The following FPGS variants were observed in gnomAD, a reference collection of about 807,000 sequenced individuals.
FPGS encodes the protein folylpolyglutamate synthase, also known as folylpolyglutamate synthase, mitochondrial.
Under a neutral mutation model 66.5 loss-of-function variants are expected in FPGS, and 53 were observed. That is an observed-to-expected ratio of 0.80 (90% confidence interval 0.64 to 1.00). FPGS has a LOEUF of 1.00. FPGS is among the 50% of genes least tolerant of loss of function. The pLI is 0.00. For missense variants in FPGS, 702 were observed against 807.7 expected, an observed-to-expected ratio of 0.87 and a Z score of 1.59; for synonymous variants, 348 against 350.9, an observed-to-expected ratio of 0.99 and a Z score of 0.09.
At chr9:127,809,291 C>T (rs977567126) in intron 11 of FPGS, among the ~76,000 whole-genome samples, 35 of 152,256 alleles carry the variant, frequency 2.3e-4, no homozygotes, top group African/African-American at 8.4e-4. Context: ...CTTGCCTCCC[C>T]CAAAGCTTTC....
chr9:127,809,566 T>A, intron 11 of FPGS, 118 bp from the exon 12 acceptor site: 1 of 982,296 alleles, frequency 1.0e-6, no homozygotes. Context: ...GCTGCCGGGG[T>A]CCTGAGTGTT....
Position 127,804,549 on chromosome 9 carries a change from G to A in FPGS, c.318G>A (p.Gly106=), listed in dbSNP as rs1227036913. 1.2e-6 allele frequency: 2 copies of A among 1,614,204 alleles called. No individual in the cohort carries two copies. The highest frequency in any genetic ancestry group is 1.3e-5 in the African/African-American group (1 of 75,066). ...LNIIHVTGTK[G]KGSTCAFTEC... is the part of the protein sequence containing the mutation. ...TCATCCACGTCACTGGGACGAAGGGGAAGGTGAGGGGCAGGACCCTGGGGT... is the reference window on the plus strand; with the variant it reads ...TCATCCACGTCACTGGGACGAAGGGAAAGGTGAGGGGCAGGACCCTGGGGT... The change falls in exon 3 of 15, where the codon GGG becomes GGA. Residue 106 remains glycine, a synonymous_variant. Coordinates refer to ENST00000373247, the MANE Select transcript of FPGS (RefSeq NM_004957.6).
chr9:127,807,256 C>A lies in FPGS; in HGVS notation c.549C>A (p.Leu183=), dbSNP rs747385141. The change falls in exon 6 of 15, where the codon CTC becomes CTA. Residue 183 remains leucine, a synonymous_variant. Coordinates refer to ENST00000373247, the MANE Select transcript of FPGS (RefSeq NM_004957.6). This position sits in a 1 kb window ranked among gnomAD's most constrained non-coding sequence, Gnocchi z 5.8. ...SMPPYFRFLT[L]MAFHVFLQEK... Reference sequence around the variant, plus strand: ...CCCCCTACTTCCGCTTCCTGACACTCATGGCCTTCCACGTCTTCCTCCAAG... The same window carrying A: ...CCCCCTACTTCCGCTTCCTGACACTAATGGCCTTCCACGTCTTCCTCCAAG... 3.7e-6 allele frequency: 6 copies of A among 1,614,206 alleles called. No individual in the cohort carries two copies. In the East Asian group the frequency reaches 1.1e-4, roughly 30 times the overall value.
chr9:127,808,536 C>A, intron 9 of FPGS, 22 bp from the exon 10 acceptor site: 3 of 1,611,548 alleles, frequency 1.9e-6, no homozygotes, highest in Non-Finnish European at 2.5e-6. Flanking sequence ...TCTGCTGACC[C>A]GCTCCTGCCT....
chr9:127,814,082 C>G (rs546012406), downstream of FPGS: 18 of 987,366 alleles, frequency 1.8e-5, no homozygotes, highest in Non-Finnish European at 2.0e-5. Context: ...CTTCGACTGA[C>G]CCTTGACCCC....
intron 8 of FPGS, 27 bp from the exon 9 acceptor site, chr9:127,808,207 C>G (rs1021153306): frequency 6.3e-7 from 1 of 1,593,904 alleles, no homozygotes; most frequent in Non-Finnish European, 8.6e-7. Context: ...CTAGGTAGCC[C>G]TTTCTCTCTC....
Position 127,808,699 on chromosome 9 carries a change from C to T in FPGS, c.964C>T (p.Arg322Cys), listed in dbSNP as rs749584122. The change falls in exon 10 of 15, where the codon CGC (arginine) becomes TGC (cysteine). Residue 322 changes from arginine (R) to cysteine (C), a missense_variant. Arg to Cys is a radical substitution (Grantham distance 180). This residue lies in a region of FPGS where 351 missense variants were observed against 363.7 expected (regional missense o/e 0.97). Transcript: ENST00000373247. ...CCACTGCTGGCTGCAGCGGCAGGAC[C>T]GCCATGGTGAGTGGGCAGCTGAGTG... ...LAHCWLQRQD[R>C]HGAGEPKASR... The T allele has an allele frequency of 6.9e-6, 11 of 1,584,764 alleles. No homozygotes were observed. The highest frequency in any genetic ancestry group is 4.6e-5 in the South Asian group (4 of 87,544).
chr9:127,812,447 C>A (rs1192136299), intron 14 of FPGS, among the ~76,000 whole-genome samples: 2 of 151,930 alleles, frequency 1.3e-5, no homozygotes, highest in African/African-American at 4.8e-5. Flanking sequence ...TCTCCTGCCT[C>A]AGCCTCGTGA....
chr9:127,809,632 G>T, intron 11 of FPGS, 52 bp from the exon 12 acceptor site: 1 of 1,519,000 alleles, frequency 6.6e-7, no homozygotes. Flanking sequence ...GTGCGGAATT[G>T]AGGACGGGGG....
chr9:127,813,793 C>T lies in FPGS; in HGVS notation c.*189C>T. 1 of 1,284,820 alleles carries T rather than the reference C, an allele frequency of 7.8e-7. No individual in the cohort carries two copies. Among genetic ancestry groups the T allele is most frequent in the African/African-American group, 1.5e-5 (1 of 65,106 alleles). 79.6% of individuals were successfully genotyped at this position (1,284,820 alleles called of 1,614,324 possible). On this transcript the variant is annotated 3_prime_UTR_variant, in exon 15 of 15. Transcript: ENST00000373247. ...GGCTCTGTGCCTTGGTCTCTCCTTC[C>T]TCTTGGCTGAGATAGCAGAGGGGCT...
intron 11 of FPGS, 57 bp from the exon 12 acceptor site, chr9:127,809,627 G>T: frequency 6.6e-7 from 1 of 1,505,872 alleles, no homozygotes; most frequent in Non-Finnish European, 8.8e-7. Context: ...TGTGTGTGCG[G>T]AATTGAGGAC....
At position 127,808,318 on chromosome 9, in the gene FPGS, C is replaced by T. The variant is rs2131850778; in HGVS notation, c.822+7C>T. 1 of 1,612,606 alleles carries T rather than the reference C, an allele frequency of 6.2e-7. No homozygotes were observed. The highest frequency in any genetic ancestry group is 2.2e-5 in the East Asian group (1 of 44,876). ...CCGAGCCCAGCAGATCTCAGTAAGT[C>T]TGATTGGAATGGGGCAGCGGCAGGG... On this transcript the variant is annotated splice_region_variant and intron_variant, in intron 9 of 14. Transcript: ENST00000373247.
intron 14 of FPGS, 84 bp downstream of exon 14, chr9:127,811,095 G>T (rs1435473221): frequency 5.5e-6 from 4 of 723,396 alleles, no homozygotes; most frequent in Non-Finnish European, 7.0e-6. Context: ...GAGGTTTGGG[G>T]TAGGAAATAA....
At chr9:127,810,141 T>TG in intron 13 of FPGS, 35 bp downstream of exon 13, 1 of 1,582,562 alleles carries the variant, frequency 6.3e-7, no homozygotes. Context: ...CGGCAGGCAG[T>TG]CCTGAAGCCC....
chr9:127,803,410 G>A, intron 1 of FPGS: 1 of 1,056,510 alleles, frequency 9.5e-7, no homozygotes, highest in Non-Finnish European at 1.1e-6. Flanking sequence ...AGAGGGTAGG[G>A]AAGAGACTCA....
At chr9:127,809,979 C>T (rs909879858) in intron 12 of FPGS, 52 bp from the exon 13 acceptor site, 6 of 1,546,524 alleles carry the variant, frequency 3.9e-6, no homozygotes, top group Non-Finnish European at 3.5e-6. Context: ...GGATTGGTAC[C>T]GCAGGGAGAA....
In FPGS at chr9:127,813,567, G is replaced by A; in HGVS notation, c.1727G>A (p.Gly576Asp). Residue 576 changes from glycine to aspartate, a missense_variant, in exon 15 of 15, where the codon GGT becomes GAT. By Grantham distance (94) the Gly-to-Asp change is moderately conservative. Transcript: ENST00000373247. ...LVTGSLHLVG[G>D]VLKLLEPALS... The stretch of plus-strand genomic sequence containing the variant: ...ACTGGCAGCCTGCACCTGGTGGGTG[G>A]TGTCCTGAAGCTGCTGGAGCCCGCA... 2 of 1,579,904 alleles carry A rather than the reference G, an allele frequency of 1.3e-6. No individual in the cohort carries two copies. Among genetic ancestry groups the A allele is most frequent in the Non-Finnish European group, 1.7e-6 (2 of 1,161,388 alleles).
chr9:127,813,644 C>T lies in FPGS; in HGVS notation c.*40C>T. On this transcript the variant is annotated 3_prime_UTR_variant, in exon 15 of 15. Coordinates refer to ENST00000373247, the MANE Select transcript of FPGS (RefSeq NM_004957.6). The stretch of plus-strand genomic sequence containing the variant: ...TGGAGGTGGGAGCTTCCCACACCTG[C>T]CTGCGTTCTCCCCATGAACTTACAT... The T allele has an allele frequency of 6.7e-7, 1 of 1,495,826 alleles. No homozygotes were observed. Among genetic ancestry groups the T allele is most frequent in the Non-Finnish European group, 8.9e-7 (1 of 1,122,574 alleles). 92.7% of individuals were successfully genotyped at this position (1,495,826 alleles called of 1,614,324 possible).
chr9:127,813,202 G>A lies in FPGS; in HGVS notation c.1362G>A (p.Gln454=), dbSNP rs372138992. ...EVSSTGNADQ[Q]NFTVTLDQVL... is the part of the protein sequence containing the mutation. ...TTTCTCTGTGCCCCACAGACCAACA[G>A]AACTTCACAGTGACACTGGACCAGG... Residue 454 remains glutamine, a synonymous_variant, in exon 15 of 15, where the codon CAG becomes CAA. Transcript: ENST00000373247. 28 of 1,578,372 alleles carry A rather than the reference G, an allele frequency of 1.8e-5. No homozygotes were observed. Among genetic ancestry groups the A allele is most frequent in the Non-Finnish European group, 2.4e-5 (28 of 1,158,528 alleles).
Sources: allele counts gnomAD v4.1 joint callset (sites outside exome capture counted in the v4.1 genomes callset), GRCh38; gene constraint gnomAD v4.1.1; regional missense constraint gnomAD v4.1.1; non-coding constraint Gnocchi (gnomAD v3.1); transcripts MANE v1.5; gene names NCBI Gene and HGNC (gene_info 2026-07-23, HGNC 2026-07-21).